Variants in LAMA3 observed in about 807,000 individuals in gnomAD.
LAMA3 encodes the protein laminin subunit alpha 3.
LAMA3 carries 281 observed loss-of-function variants against 402.0 expected under a neutral mutation model. The observed-to-expected ratio is 0.70, with a 90% CI of 0.63 to 0.77. LAMA3 has a LOEUF of 0.77. Among genes scored for constraint, LAMA3 ranks in the 30% least tolerant of loss-of-function variants. The probability of loss-of-function intolerance (pLI) is 0.00; values close to 1 mark genes in which losing one functional copy is unlikely to be tolerated. For synonymous variants in LAMA3, 1,431 were observed against 1,558.4 expected (o/e 0.92, Z 1.93); for missense variants, 3,840 against 4,215.5 (o/e 0.91, Z 2.47).
In LAMA3 at chr18:23,867,849, A is replaced by G. The variant is rs1397075032; in HGVS notation, c.4699A>G (p.Ile1567Val). ...DVQLTGQHMS[I>V]IYEETNTPRP... ...CTTTAAACAGGGTCAGCACATGTCC[A>G]TCATCTATGAGGAGACAAACACCCC... The change falls in exon 37 of 75, where the codon ATC becomes GTC. Residue 1567 changes from isoleucine (I) to valine (V), a missense_variant. Around this residue, in one of 3 missense-constraint regions of LAMA3, gnomAD observed 2,109 missense variants for 2,376.0 expected, o/e 0.89. Coordinates refer to ENST00000313654, the MANE Select transcript of LAMA3 (RefSeq NM_198129.4). 3.1e-6 allele frequency: 5 copies of G among 1,613,892 alleles called. No individual in the cohort carries two copies. Among genetic ancestry groups the G allele is most frequent in the East Asian group, 4.5e-5 (2 of 44,884 alleles).
At chr18:23,885,309 C>A (rs2065036474) in intron 41 of LAMA3, among the ~76,000 whole-genome samples, 1 of 150,504 alleles carries the variant, frequency 6.6e-6, no homozygotes, top group African/African-American at 2.4e-5. Context: ...TATCCACAGC[C>A]CTAGCCTAGA....
chr18:23,827,286 G>C, intron 22 of LAMA3, 28 bp from the exon 23 acceptor site: 1 of 1,613,102 alleles, frequency 6.2e-7, no homozygotes, highest in Non-Finnish European at 8.5e-7. Context: ...TGTAACTATT[G>C]ATTCCATTGT....
Position 23,823,570 on chromosome 18 carries a change from A to G in LAMA3, c.2429-853A>G, listed in dbSNP as rs563234885. 5.3e-5 allele frequency among the ~76,000 whole-genome samples: 8 copies of G among 152,254 alleles called. No individual in the cohort carries two copies. In the South Asian group the frequency reaches 8.3e-4, roughly 16 times the overall value. On this transcript the variant is annotated intron_variant, in intron 20 of 74. Transcript: ENST00000313654. ...CACATTTTCCTGTCTTCTAGTCCTT[A>G]TTCCTCTCTGGTCCTCACCAGCAGG...
rs559735626 is a variant in LAMA3, at chr18:23,901,973, C to A, written c.6201+650C>A. On this transcript the variant is annotated intron_variant, in intron 48 of 74. Coordinates refer to ENST00000313654, the MANE Select transcript of LAMA3 (RefSeq NM_198129.4). ...CCTCCCAAAGTGATGGGATTACAGG[C>A]GTGAGCCACCATGCCCGGCCTTATA... 2.4e-4 allele frequency among the ~76,000 whole-genome samples: 37 copies of A among 152,336 alleles called. 1 individual carries two copies. The highest frequency in any genetic ancestry group is 2.1e-4 in the Non-Finnish European group (14 of 68,028).
chr18:23,768,481 A>G (rs1325880969), intron 8 of LAMA3, among the ~76,000 whole-genome samples: 1 of 152,248 alleles, frequency 6.6e-6, no homozygotes, highest in African/African-American at 2.4e-5. Context: ...TTAAAAAGTC[A>G]AAAAACAACA....
In LAMA3 at chr18:23,689,583, G is replaced by T; in HGVS notation, c.-101G>T. On this transcript the variant is annotated 5_prime_UTR_variant, in exon 1 of 75. Coordinates refer to ENST00000313654, the MANE Select transcript of LAMA3 (RefSeq NM_198129.4). The stretch of plus-strand genomic sequence containing the variant: ...CGGCGCCGCCCATATCCCCGGCTGC[G>T]CTAGTCCTGGCGCTGCAGGTCCGGG... The T allele has an allele frequency of 1.8e-6, 2 of 1,130,004 alleles. No homozygotes were observed. Among genetic ancestry groups the T allele is most frequent in the Non-Finnish European group, 2.2e-6 (2 of 898,728 alleles). 70.0% of individuals were successfully genotyped at this position (1,130,004 alleles called of 1,614,324 possible). A position where few individuals can be genotyped will look rare whatever the true frequency, so the allele number is the denominator to read the frequency against.
At position 23,840,377 on chromosome 18, in the gene LAMA3, C is replaced by CTTTTTTT. The variant is rs201657216; in HGVS notation, c.3336+451_3336+452insTTTTTTT. On this transcript the variant is annotated intron_variant, in intron 27 of 74. Coordinates refer to ENST00000313654, the MANE Select transcript of LAMA3 (RefSeq NM_198129.4). ...ATAGTTATTGTAGCCAAGAACCTTT[C>CTTTTTTT]TTTCTTTTTTTTTTTTTTTTTTTGA... 2.9e-4 allele frequency among the ~76,000 whole-genome samples: 23 copies of CTTTTTTT among 79,510 alleles called. 4 individuals carry two copies. Among genetic ancestry groups the CTTTTTTT allele is most frequent in the African/African-American group, 1.0e-3 (18 of 17,256 alleles). 52.2% of individuals were successfully genotyped at this position (79,510 alleles called of 152,430 possible). A position where few individuals can be genotyped will look rare whatever the true frequency, so the allele number is the denominator to read the frequency against.
At chr18:23,920,735 T>C (rs1032522217) in intron 60 of LAMA3, among the ~76,000 whole-genome samples, 200 bp from the exon 61 acceptor site, 1 of 152,222 alleles carries the variant, frequency 6.6e-6, no homozygotes, top group Non-Finnish European at 1.5e-5. Context: ...CCAACCACTG[T>C]GCGTGACATT....
At chr18:23,904,202 C>G in intron 50 of LAMA3, 115 bp downstream of exon 50, 3 of 1,224,768 alleles carry the variant, frequency 2.4e-6, no homozygotes, top group Non-Finnish European at 3.6e-6. Flanking sequence ...GGGTGGAGGG[C>G]GGAGGGTGGG....
intron 74 of LAMA3, 122 bp downstream of exon 74, chr18:23,953,231 C>T: frequency 7.7e-7 from 1 of 1,306,058 alleles, no homozygotes; most frequent in Non-Finnish European, 1.1e-6. Context: ...TTTGCACTGG[C>T]ATGTGGGGAA....
intron 67 of LAMA3, among the ~76,000 whole-genome samples, chr18:23,937,008 T>C (rs2082330432): frequency 6.6e-6 from 1 of 151,986 alleles, no homozygotes; most frequent in Non-Finnish European, 1.5e-5. Flanking sequence ...TGGGATGGTT[T>C]GGTGTAGGAA....
At chr18:23,878,952 G>T (rs1278172757) in intron 39 of LAMA3, among the ~76,000 whole-genome samples, 3 of 151,006 alleles carry the variant, frequency 2.0e-5, no homozygotes, top group Non-Finnish European at 4.4e-5. Context: ...TCTTCTCATT[G>T]CCCCAATTTC....
At chr18:23,841,384 G>A (rs143282508) in intron 27 of LAMA3, among the ~76,000 whole-genome samples, 1 of 152,266 alleles carries the variant, frequency 6.6e-6, no homozygotes, top group African/African-American at 2.4e-5. Flanking sequence ...GCCAAAGGAG[G>A]GTGGGCTCCA....
chr18:23,783,051 G>A (rs1181726214), intron 11 of LAMA3, among the ~76,000 whole-genome samples: 2 of 152,090 alleles, frequency 1.3e-5, no homozygotes, highest in Admixed American at 6.5e-5. Flanking sequence ...TTGGCTGGGC[G>A]GGTCTTCTGC....
intron 1 of LAMA3, among the ~76,000 whole-genome samples, chr18:23,698,411 T>G (rs1252918166): frequency 6.6e-6 from 1 of 152,112 alleles, no homozygotes; most frequent in East Asian, 1.9e-4. Context: ...TTCACCGTGT[T>G]AGACAGGATG....
At chr18:23,942,621 A>C (rs2145494641) in intron 68 of LAMA3, among the ~76,000 whole-genome samples, 1 of 146,872 alleles carries the variant, frequency 6.8e-6, no homozygotes, top group East Asian at 2.0e-4. Context: ...TGTGTCACCC[A>C]GGCTGGAGTG....
chr18:23,949,788 G>A lies in LAMA3; in HGVS notation c.9375G>A (p.Val3125=). 1 of 1,613,872 alleles carries A rather than the reference G, an allele frequency of 6.2e-7. No individual in the cohort carries two copies. Among genetic ancestry groups the A allele is most frequent in the East Asian group, 2.2e-5 (1 of 44,864 alleles). The change falls in exon 71 of 75, where the codon GTG becomes GTA. Residue 3125 remains valine (V), a synonymous_variant. Coordinates refer to ENST00000313654, the MANE Select transcript of LAMA3 (RefSeq NM_198129.4). ...AGAGCCTCCCCACAAACAGCTTTGT[G>A]GGATGCCTGAAGAACTTTCAGCTGG... ...KPKSLPTNSF[V]GCLKNFQLDS...
chr18:23,876,358 A>T lies in LAMA3; in HGVS notation c.5063A>T (p.Asn1688Ile), dbSNP rs749091020. ...TATACCGGACGGTGTGTTCCCTGCA[A>T]TTGCAACGGACATTCAAATCAATGC... Reference protein sequence around the residue: ...GLYTGRCVPCNCNGHSNQCQD... With the variant: ...GLYTGRCVPCICNGHSNQCQD... Residue 1688 changes from asparagine (N) to isoleucine (I), a missense_variant, in exon 39 of 75, where the codon AAT becomes ATT. Physicochemically the swap from Asn to Ile is moderately radical, Grantham distance 149. Coordinates refer to ENST00000313654, the MANE Select transcript of LAMA3 (RefSeq NM_198129.4). 6.2e-7 allele frequency: 1 copy of T among 1,614,176 alleles called. No homozygotes were observed. Among genetic ancestry groups the T allele is most frequent in the South Asian group, 1.1e-5 (1 of 91,080 alleles).
chr18:23,699,235 G>C (rs2060747760), intron 1 of LAMA3, among the ~76,000 whole-genome samples: 1 of 152,186 alleles, frequency 6.6e-6, no homozygotes, highest in South Asian at 2.1e-4. Context: ...GACTGTTGTT[G>C]TTACACGTTT....
Sources: allele counts gnomAD v4.1 joint callset (sites outside exome capture counted in the v4.1 genomes callset), GRCh38; gene constraint gnomAD v4.1.1; regional missense constraint gnomAD v4.1.1; transcripts MANE v1.5; gene names NCBI Gene and HGNC (gene_info 2026-07-23, HGNC 2026-07-21).